The following FSTL1 variants were observed in gnomAD, a reference collection of about 807,000 sequenced individuals.
FSTL1 encodes follistatin-related protein 1.
FSTL1 carries 24 observed loss-of-function variants against 45.9 expected under a neutral mutation model. The observed-to-expected ratio is 0.52, with a 90% CI of 0.38 to 0.74. The LOEUF (loss-of-function observed/expected upper bound fraction) is 0.74. Ranked by LOEUF, FSTL1 falls within the 30% of genes least tolerant of loss-of-function variation. FSTL1 has a pLI of 0.00. For synonymous variants in FSTL1, 120 were observed against 137.6 expected (o/e 0.87, Z 0.89); for missense variants, 340 against 381.8 (o/e 0.89, Z 0.91).
chr3:120,408,916 G>A (rs902602605), intron 6 of FSTL1, among the ~76,000 whole-genome samples: 5 of 152,122 alleles, frequency 3.3e-5, no homozygotes, highest in African/African-American at 1.2e-4. Context: ...ATGATAACCC[G>A]AGCCATCACT....
At chr3:120,429,525 G>C (rs1346189676) in intron 2 of FSTL1, among the ~76,000 whole-genome samples, 1 of 152,194 alleles carries the variant, frequency 6.6e-6, no homozygotes, top group Admixed American at 6.5e-5. Flanking sequence ...TTTTATTTTA[G>C]AGAGTGAGGA....
intron 2 of FSTL1, chr3:120,423,808 A>C (rs1398049346): frequency 6.6e-6 from 1 of 152,176 alleles, no homozygotes; most frequent in African/African-American, 2.4e-5. Context: ...CTCTTCCTAA[A>C]AAATGTTTTT....
chr3:120,445,600 A>C (rs1937721535), intron 2 of FSTL1, among the ~76,000 whole-genome samples: 1 of 149,682 alleles, frequency 6.7e-6, no homozygotes. Context: ...GTAAAAGTTC[A>C]TGAAGCTATA....
intron 2 of FSTL1, among the ~76,000 whole-genome samples, chr3:120,439,829 C>G (rs1170843981): frequency 5.3e-5 from 8 of 152,182 alleles, no homozygotes; most frequent in Admixed American, 5.2e-4. Context: ...AAACATCCCC[C>G]AAGGCTGGGC....
At chr3:120,430,118 T>C (rs1397624314) in intron 2 of FSTL1, among the ~76,000 whole-genome samples, 1 of 152,214 alleles carries the variant, frequency 6.6e-6, no homozygotes, top group Non-Finnish European at 1.5e-5. Flanking sequence ...AGGCATAAGC[T>C]AGCCAGCCTA....
intron 6 of FSTL1, among the ~76,000 whole-genome samples, chr3:120,408,425 A>G (rs1255997548): frequency 6.6e-6 from 1 of 152,246 alleles, no homozygotes. Context: ...AAATGACCAA[A>G]TATCCATTTG....
rs1936659487 is a variant in FSTL1 at position 120,394,598 on chromosome 3, A to C, written c.*2354T>G. 6.6e-6 allele frequency: 1 copy of C among 152,234 alleles called. No homozygotes were observed. Among genetic ancestry groups the C allele is most frequent in the Non-Finnish European group, 1.5e-5 (1 of 68,040 alleles). The allele number at this position is 152,234 out of a possible 1,614,324, so 9.4% of individuals were successfully genotyped here. On this transcript the variant is annotated 3_prime_UTR_variant, in exon 11 of 11. Coordinates refer to ENST00000295633, the MANE Select transcript of FSTL1 (RefSeq NM_007085.5). ...GATCTTAACAGATGCTATAGTGTTT[A>C]CAAAACTACACACACAGAGAAAGCC...
chr3:120,402,683 C>G, intron 9 of FSTL1, 125 bp downstream of exon 9: 1 of 679,936 alleles, frequency 1.5e-6, no homozygotes, highest in Non-Finnish European at 2.7e-6. Flanking sequence ...AGGTGTGGGT[C>G]TGCCTGGGTT....
At chr3:120,401,386 T>C (rs1268794072) in intron 9 of FSTL1, among the ~76,000 whole-genome samples, 1 of 152,168 alleles carries the variant, frequency 6.6e-6, no homozygotes, top group Non-Finnish European at 1.5e-5. Context: ...GACTTGGTCC[T>C]GGGCAGCGGT....
At chr3:120,414,401 G>T (rs1208514018) in intron 3 of FSTL1, among the ~76,000 whole-genome samples, 1 of 149,568 alleles carries the variant, frequency 6.7e-6, no homozygotes. Context: ...GCCGCCCATC[G>T]TCTGAGATGT....
intron 6 of FSTL1, among the ~76,000 whole-genome samples, chr3:120,408,840 A>G (rs1483790455): frequency 6.6e-6 from 1 of 152,026 alleles, no homozygotes; most frequent in Non-Finnish European, 1.5e-5. Context: ...GTTCTTGTCA[A>G]TCAGCTGTAA....
In FSTL1 at chr3:120,393,637, C is replaced by T. The variant is rs1147693; in HGVS notation, c.*3315G>A. The T allele has an allele frequency of 1.3e-5, 2 of 151,896 alleles. No homozygotes were observed. Among genetic ancestry groups the T allele is most frequent in the African/African-American group, 4.8e-5 (2 of 41,314 alleles). The allele number at this position is 151,896 out of a possible 1,614,324, so 9.4% of individuals were successfully genotyped here. A position where few individuals can be genotyped will look rare whatever the true frequency, so the allele number is the denominator to read the frequency against. On this transcript the variant is annotated 3_prime_UTR_variant, in exon 11 of 11. Transcript: ENST00000295633. ...TCTCCTAAATCATATGGGGGATTTA[C>T]GAGTCATTTAATTTAATGTCTTCCC...
chr3:120,404,784 G>A, intron 7 of FSTL1, 69 bp downstream of exon 7: 3 of 833,952 alleles, frequency 3.6e-6, no homozygotes, highest in South Asian at 1.4e-5. Flanking sequence ...AGGTGGGAAA[G>A]GGTTTAAGTC....
chr3:120,419,988 AC>A (rs1394502612), intron 2 of FSTL1, among the ~76,000 whole-genome samples: 1 of 152,174 alleles, frequency 6.6e-6, no homozygotes, highest in East Asian at 1.9e-4. Context: ...AAGCTCTGTG[AC>A]GCATGGAGGC....
At chr3:120,405,353 CT>C (rs577217491) in intron 6 of FSTL1, among the ~76,000 whole-genome samples, 82 of 152,346 alleles carry the variant, frequency 5.4e-4, no homozygotes, top group African/African-American at 1.9e-3. Flanking sequence ...AAGTTGCACG[CT>C]GTGAATCAGA....
chr3:120,433,840 G>C (rs922921247), intron 2 of FSTL1, among the ~76,000 whole-genome samples: 3 of 152,140 alleles, frequency 2.0e-5, no homozygotes, highest in African/African-American at 7.2e-5. Flanking sequence ...TACATTCCTG[G>C]AACAGAGAAA....
chr3:120,398,351 A>G (rs1328362820), intron 10 of FSTL1, among the ~76,000 whole-genome samples: 1 of 152,192 alleles, frequency 6.6e-6, no homozygotes, highest in Admixed American at 6.5e-5. Context: ...GTACACTGGC[A>G]TGACTTCCTA....
At chr3:120,442,053 GA>G (rs1937634584) in intron 2 of FSTL1, among the ~76,000 whole-genome samples, 1 of 151,744 alleles carries the variant, frequency 6.6e-6, no homozygotes, top group Non-Finnish European at 1.5e-5. Flanking sequence ...ATGCCTAGTG[GA>G]TGTTTACTTG....
At chr3:120,408,963 T>C (rs546330327) in intron 6 of FSTL1, among the ~76,000 whole-genome samples, 2 of 152,320 alleles carry the variant, frequency 1.3e-5, no homozygotes, top group Admixed American at 1.3e-4. Context: ...TTTGTGAAAA[T>C]AGCATCTCTC....
Sources: allele counts gnomAD v4.1 joint callset (sites outside exome capture counted in the v4.1 genomes callset), GRCh38; gene constraint gnomAD v4.1.1; transcripts MANE v1.5; gene names NCBI Gene and HGNC (gene_info 2026-07-23, HGNC 2026-07-21).